The following EYS variants were observed in gnomAD, a reference collection of about 807,000 sequenced individuals.
EYS encodes the protein EGF-like photoreceptor maintenance factor, also known as protein eyes shut homolog.
A neutral mutation model predicts 282.1 loss-of-function variants in EYS; 250 were observed. The ratio of observed to expected loss-of-function variants is 0.89; its 90% CI spans 0.80 to 0.98. The LOEUF (loss-of-function observed/expected upper bound fraction) is 0.98. Among genes scored for constraint, EYS ranks in the 50% least tolerant of loss-of-function variants. The pLI, the probability that EYS is intolerant of heterozygous loss-of-function variation, is 0.00. For missense variants in EYS, 4,016 were observed against 3,709.0 expected, an observed-to-expected ratio of 1.08 and a Z score of -2.15; for synonymous variants, 1,355 against 1,282.9, an observed-to-expected ratio of 1.06 and a Z score of -1.20.
At chr6:65,468,190 T>G (rs1419859222) in intron 5 of EYS, among the ~76,000 whole-genome samples, 1 of 152,130 alleles carries the variant, frequency 6.6e-6, no homozygotes, top group East Asian at 1.9e-4. Context: ...CAGGGAATCA[T>G]GGCAAGAGAT....
intron 28 of EYS, among the ~76,000 whole-genome samples, chr6:64,409,502 C>T (rs1773819774): frequency 6.6e-6 from 1 of 152,128 alleles, no homozygotes; most frequent in Non-Finnish European, 1.5e-5. Context: ...CTTTTTCTTT[C>T]CATTCAAAGA....
chr6:65,627,562 C>T (rs906390020), intron 2 of EYS, among the ~76,000 whole-genome samples: 10 of 152,042 alleles, frequency 6.6e-5, no homozygotes, highest in Non-Finnish European at 2.9e-5. Context: ...CTGCCTGCCG[C>T]GCTTGCGGGC....
At chr6:65,428,025 A>G (rs1767731185) in intron 5 of EYS, among the ~76,000 whole-genome samples, 1 of 152,078 alleles carries the variant, frequency 6.6e-6, no homozygotes, top group Admixed American at 6.6e-5. Context: ...CGTTATACAT[A>G]ATAAGTGAAA....
chr6:65,296,245 C>G, intron 11 of EYS, 126 bp from the exon 12 acceptor site: 1 of 1,028,414 alleles, frequency 9.7e-7, no homozygotes, highest in Non-Finnish European at 1.3e-6. Flanking sequence ...TTGTGGGGTG[C>G]ATTTAAAAAA....
At chr6:64,783,523 C>G (rs370339410) in intron 22 of EYS, among the ~76,000 whole-genome samples, 5 of 151,998 alleles carry the variant, frequency 3.3e-5, no homozygotes, top group East Asian at 3.9e-4. Context: ...TCAGGTAAAA[C>G]TATATTCACG....
intron 11 of EYS, among the ~76,000 whole-genome samples, chr6:65,319,651 T>C (rs1321776860): frequency 1.3e-5 from 2 of 152,206 alleles, no homozygotes; most frequent in South Asian, 4.1e-4. Context: ...AACTAGCACA[T>C]TGTAGACACT....
At chr6:65,682,774 T>G (rs1768881455) in intron 1 of EYS, among the ~76,000 whole-genome samples, 1 of 151,692 alleles carries the variant, frequency 6.6e-6, no homozygotes, top group South Asian at 2.1e-4. Context: ...GATGCTAAAT[T>G]TATCAGACAA....
intron 11 of EYS, among the ~76,000 whole-genome samples, chr6:65,299,139 T>G (rs1041750533): frequency 6.6e-6 from 1 of 152,072 alleles, no homozygotes; most frequent in African/African-American, 2.4e-5. Context: ...CACTGGAGAG[T>G]TCTGCATATC....
Position 64,626,125 on chromosome 6 carries a change from T to G in EYS, c.3564A>C (p.Gln1188His), listed in dbSNP as rs1434829814. ...DHINGYVCKC[Q>H]PGWSGHHCEN... Reference sequence around the variant, plus strand: ...TATTATTTTTAAAATAATTACCTGGTTGGCATTTGCAAACATATCCATTGA... The same window carrying G: ...TATTATTTTTAAAATAATTACCTGGGTGGCATTTGCAAACATATCCATTGA... Residue 1188 changes from glutamine (Q) to histidine (H), a missense_variant, in exon 23 of 43, where the codon CAA becomes CAC. Gln to His is a conservative substitution (Grantham distance 24). Transcript: ENST00000503581. 6.5e-7 allele frequency: 1 copy of G among 1,530,566 alleles called. No individual in the cohort carries two copies. The highest frequency in any genetic ancestry group is 8.8e-7 in the Non-Finnish European group (1 of 1,133,054). The allele number at this position is 1,530,566 out of a possible 1,614,324, so 94.8% of individuals were successfully genotyped here. A position where few individuals can be genotyped will look rare whatever the true frequency, so the allele number is the denominator to read the frequency against.
intron 26 of EYS, among the ~76,000 whole-genome samples, chr6:64,448,054 G>A (rs543824567): frequency 4.1e-4 from 62 of 152,336 alleles, no homozygotes; most frequent in African/African-American, 1.3e-3. Flanking sequence ...TAAGCAGGGC[G>A]AGGCATTACC....
intron 1 of EYS, among the ~76,000 whole-genome samples, chr6:65,705,423 AT>A (rs1172239637): frequency 6.6e-6 from 1 of 151,978 alleles, no homozygotes; most frequent in Non-Finnish European, 1.5e-5. Context: ...GTTTTTTGTT[AT>A]TGTTTTAAAG....
At chr6:64,660,340 C>A (rs1768953964) in intron 22 of EYS, among the ~76,000 whole-genome samples, 1 of 151,734 alleles carries the variant, frequency 6.6e-6, no homozygotes, top group Non-Finnish European at 1.5e-5. Context: ...ACAGGGATGC[C>A]CTCTCTCACC....
intron 35 of EYS, among the ~76,000 whole-genome samples, chr6:63,933,972 C>A (rs1764975171): frequency 1.3e-5 from 2 of 152,142 alleles, no homozygotes; most frequent in Non-Finnish European, 2.9e-5. Flanking sequence ...AGGCAACCTA[C>A]AGAATGGGAG....
intron 22 of EYS, among the ~76,000 whole-genome samples, chr6:64,771,895 T>C (rs1218111558): frequency 2.6e-5 from 4 of 151,846 alleles, no homozygotes; most frequent in Non-Finnish European, 5.9e-5. Context: ...TTCTGTGTTC[T>C]TATTGTTTTT....
At chr6:64,053,951 A>G (rs1180149952) in intron 33 of EYS, among the ~76,000 whole-genome samples, 2 of 152,174 alleles carry the variant, frequency 1.3e-5, no homozygotes, top group Non-Finnish European at 2.9e-5. Context: ...GCCTTTACAT[A>G]CTTAACTAAT....
intron 11 of EYS, chr6:65,332,362 T>G: frequency 1.1e-6 from 1 of 906,278 alleles, no homozygotes; most frequent in Non-Finnish European, 1.8e-6. Context: ...TCATGCTGTA[T>G]AAACCTTTCT....
chr6:65,155,599 C>A (rs541007455), intron 12 of EYS, among the ~76,000 whole-genome samples: 8 of 151,278 alleles, frequency 5.3e-5, no homozygotes, highest in Non-Finnish European at 1.2e-4. Context: ...GGTTATTAAC[C>A]CTATAAAATG....
At chr6:65,289,106 G>T (rs1305361084) in intron 12 of EYS, among the ~76,000 whole-genome samples, 1 of 150,814 alleles carries the variant, frequency 6.6e-6, no homozygotes, top group South Asian at 2.1e-4. Flanking sequence ...AGTAGGTGAA[G>T]TCTCCAAATA....
intron 22 of EYS, among the ~76,000 whole-genome samples, chr6:64,710,435 G>A (rs776635881): frequency 3.9e-5 from 6 of 152,136 alleles, no homozygotes; most frequent in African/African-American, 9.7e-5. Flanking sequence ...CATTAGCCAC[G>A]GACCAAATCC....
Sources: gnomAD v4.1 joint callset for allele counts (sites outside exome capture counted in the v4.1 genomes callset) on GRCh38, gnomAD v4.1.1 for gene constraint, MANE v1.5 for transcripts, NCBI Gene and HGNC (gene_info 2026-07-23, HGNC 2026-07-21) for gene names.